Variants in MTARC1 observed in about 807,000 individuals in gnomAD.
MTARC1 encodes the protein mitochondrial amidoxime reducing component 1.
A neutral mutation model predicts 33.6 loss-of-function variants in MTARC1; 24 were observed. The ratio of observed to expected loss-of-function variants is 0.72; its 90% confidence interval spans 0.52 to 1.01. The LOEUF (loss-of-function observed/expected upper bound fraction) is 1.01, where lower values mean the gene tolerates loss of function less well. Among genes scored for constraint, MTARC1 ranks in the 50% least tolerant of loss-of-function variants. The pLI, the probability that MTARC1 is intolerant of heterozygous loss-of-function variation, is 0.00. For missense variants in MTARC1, 417 were observed against 445.7 expected (o/e 0.94, Z 0.58); for synonymous variants, 187 against 189.5 (o/e 0.99, Z 0.11).
At chr1:220,797,734 T>G in intron 3 of MTARC1, 140 bp from the exon 4 acceptor site, 1 of 786,392 alleles carries the variant, frequency 1.3e-6, no homozygotes, top group East Asian at 2.7e-5. Context: ...GTGACTTCTA[T>G]TAAAAGAACA....
At chr1:220,797,729 T>C in intron 3 of MTARC1, 145 bp from the exon 4 acceptor site, 1 of 752,362 alleles carries the variant, frequency 1.3e-6, no homozygotes, top group Non-Finnish European at 2.1e-6. Flanking sequence ...TCACTGTGAC[T>C]TCTATTAAAA....
intron 6 of MTARC1, among the ~76,000 whole-genome samples, chr1:220,812,305 G>A (rs72472358): frequency 1.9e-3 from 286 of 152,352 alleles, no homozygotes; most frequent in Admixed American, 3.8e-3. Context: ...TGAATAGTTG[G>A]AATGTTATTC....
chr1:220,787,094 G>C lies in MTARC1; in HGVS notation c.150G>C (p.Arg50=). Residue 50 remains arginine (R), a synonymous_variant, in exon 1 of 7, where the codon CGG becomes CGC. Transcript: ENST00000366910. The part of the protein sequence containing the change: ...WRRAWPTRRR[R]LLQQVGTVAQ... ...GCGCATGGCCCACGCGGCGCCGGCG[G>C]CTGCTGCAGCAGGTGGGCACAGTGG... The C allele has an allele frequency of 6.6e-7, 1 of 1,509,238 alleles. No homozygotes were observed. 93.5% of individuals were successfully genotyped at this position (1,509,238 alleles called of 1,614,324 possible). A position where few individuals can be genotyped will look rare whatever the true frequency, so the allele number is the denominator to read the frequency against.
At chr1:220,805,178 T>TA (rs1394265610) in intron 5 of MTARC1, 25 bp from the exon 6 acceptor site, 1 of 1,614,078 alleles carries the variant, frequency 6.2e-7, no homozygotes, top group Non-Finnish European at 8.5e-7. Flanking sequence ...CTGTCCCCCT[T>TA]ATGATGCTCT....
chr1:220,798,778 A>G, intron 4 of MTARC1: 1 of 867,070 alleles, frequency 1.2e-6, no homozygotes, highest in Non-Finnish European at 1.4e-6. Flanking sequence ...GAGAAGGGAG[A>G]GGTAAAGGGG....
intron 2 of MTARC1, among the ~76,000 whole-genome samples, chr1:220,795,254 C>T (rs11808207): frequency 0.011 from 1,714 of 152,208 alleles, 27 homozygotes; most frequent in African/African-American, 0.038. Flanking sequence ...TCCTAATCCT[C>T]ACAACAAAGT....
intron 4 of MTARC1, 37 bp from the exon 5 acceptor site, chr1:220,805,015 C>T (rs1672928102): frequency 1.2e-6 from 2 of 1,612,244 alleles, no homozygotes; most frequent in Non-Finnish European, 1.7e-6. Flanking sequence ...GGGCAGGGCC[C>T]AGAGATGCTC....
chr1:220,801,477 A>G (rs1672805554), intron 4 of MTARC1, among the ~76,000 whole-genome samples: 2 of 152,164 alleles, frequency 1.3e-5, no homozygotes. Context: ...AGCCCCTGGT[A>G]CATAGAAGGT....
intron 4 of MTARC1, chr1:220,798,549 A>C: frequency 2.0e-6 from 2 of 985,416 alleles, no homozygotes; most frequent in Non-Finnish European, 2.4e-6. Flanking sequence ...AACAGCCCTG[A>C]GGCTTGGTTT....
At chr1:220,799,280 C>G in intron 4 of MTARC1, 2 of 692,250 alleles carry the variant, frequency 2.9e-6, no homozygotes, top group Non-Finnish European at 3.6e-6. Context: ...TAGTGTGAGG[C>G]GGGTGGACTG....
At chr1:220,808,661 C>T (rs568588626) in intron 6 of MTARC1, among the ~76,000 whole-genome samples, 1 of 152,176 alleles carries the variant, frequency 6.6e-6, no homozygotes, top group Non-Finnish European at 1.5e-5. Context: ...AGCTGGGAGA[C>T]CTCTGTGCCT....
chr1:220,796,734 G>GTGCACTTCGAGCCTCACA lies in MTARC1; in HGVS notation c.545_562dup (p.His182_Met187dup). 6.2e-7 allele frequency: 1 copy of GTGCACTTCGAGCCTCACA among 1,612,714 alleles called. No individual in the cohort carries two copies. Among genetic ancestry groups the GTGCACTTCGAGCCTCACA allele is most frequent in the Non-Finnish European group, 8.5e-7 (1 of 1,179,494 alleles). The stretch of plus-strand genomic sequence containing the variant: ...CCTGAAGTCACAGCCCTACCGCCTG[G>GTGCACTTCGAGCCTCACA]TGCACTTCGAGCCTCACATGCGACC... On this transcript the variant is annotated inframe_insertion, in exon 3 of 7. Transcript: ENST00000366910.
rs1243974550 is a variant in MTARC1 at position 220,816,415 on chromosome 1, C to T, written c.*2997C>T. ...TCGGAGTGTTGCTACCACACCCTAA[C>T]ACTGCATTTCCCGTGTTTTATTGGT... On this transcript the variant is annotated 3_prime_UTR_variant, in exon 7 of 7. Coordinates refer to ENST00000366910, the MANE Select transcript of MTARC1 (RefSeq NM_022746.4). The T allele has an allele frequency of 3.9e-5, 6 of 152,252 alleles. No homozygotes were observed. The highest frequency in any genetic ancestry group is 1.4e-4 in the African/African-American group (6 of 41,458). The allele number at this position is 152,252 out of a possible 1,614,324, so 9.4% of individuals were successfully genotyped here. A position where few individuals can be genotyped will look rare whatever the true frequency, so the allele number is the denominator to read the frequency against.
intron 3 of MTARC1, 28 bp downstream of exon 3, chr1:220,796,833 A>G (rs1456522720): frequency 1.9e-6 from 3 of 1,572,672 alleles, no homozygotes; most frequent in African/African-American, 1.4e-5. Context: ...CTCCATGGGT[A>G]GAAAGCAGTC....
rs1672424595 is a variant in MTARC1, at chr1:220,791,640, C to T, written c.425C>T (p.Thr142Ile). The T allele has an allele frequency of 6.2e-7, 1 of 1,614,160 alleles. No individual in the cohort carries two copies. Among genetic ancestry groups the T allele is most frequent in the East Asian group, 2.2e-5 (1 of 44,876 alleles). ...CTACTACTGCCTATCAAAACGCCCA[C>T]CACAAATGCAGTGCACAAGTGCAGG... ...KDLLLPIKTP[T>I]TNAVHKCRVH... The change falls in exon 2 of 7, where the codon ACC becomes ATC. Residue 142 changes from threonine (T) to isoleucine (I), a missense_variant. Thr to Ile is a moderately conservative substitution (Grantham distance 89). Transcript: ENST00000366910.
chr1:220,805,834 C>T (rs1219443964), intron 6 of MTARC1, among the ~76,000 whole-genome samples: 1 of 151,894 alleles, frequency 6.6e-6, no homozygotes, highest in African/African-American at 2.4e-5. Flanking sequence ...TTTAAAATTT[C>T]TTAAGGAAAA....
chr1:220,809,462 A>G (rs1039454406), intron 6 of MTARC1, among the ~76,000 whole-genome samples: 2 of 146,994 alleles, frequency 1.4e-5, no homozygotes, highest in Admixed American at 1.4e-4. Context: ...CACCTCTCCC[A>G]GGAACGTTCA....
rs1232966406 is a variant in MTARC1, at chr1:220,815,427, G to C, written c.*2009G>C. ...CCGGGCAGTAACCATCATTCTCCATGGACAGGCTCTCGGGGTAGCTAGCTC... is the reference window on the plus strand; with the variant it reads ...CCGGGCAGTAACCATCATTCTCCATCGACAGGCTCTCGGGGTAGCTAGCTC... On this transcript the variant is annotated 3_prime_UTR_variant, in exon 7 of 7. Transcript: ENST00000366910. The C allele has an allele frequency of 6.6e-6, 1 of 152,256 alleles. No individual in the cohort carries two copies. The highest frequency in any genetic ancestry group is 1.5e-5 in the Non-Finnish European group (1 of 68,080). 9.4% of individuals were successfully genotyped at this position (152,256 alleles called of 1,614,324 possible).
intron 6 of MTARC1, 59 bp from the exon 7 acceptor site, chr1:220,813,233 G>C (rs1281758648): frequency 6.2e-7 from 1 of 1,611,762 alleles, no homozygotes; most frequent in East Asian, 2.2e-5. Flanking sequence ...GAAGCCACGT[G>C]CTGGTTGAGC....
Sources: allele counts gnomAD v4.1 joint callset (sites outside exome capture counted in the v4.1 genomes callset), GRCh38; gene constraint gnomAD v4.1.1; transcripts MANE v1.5; gene names NCBI Gene and HGNC (gene_info 2026-07-23, HGNC 2026-07-21).